The following NCOR2 variants were observed in gnomAD, a reference collection of about 807,000 sequenced individuals.
NCOR2 encodes nuclear receptor corepressor 2.
Under a neutral mutation model 262.9 loss-of-function variants are expected in NCOR2, and 81 were observed. The ratio of observed to expected loss-of-function variants is 0.31; its 90% CI spans 0.26 to 0.37. The LOEUF is 0.37. Among genes scored for constraint, NCOR2 ranks in the 10% least tolerant of loss-of-function variants. NCOR2 has a pLI of 1.00. For synonymous variants in NCOR2, 1,659 were observed against 1,559.3 expected, an observed-to-expected ratio of 1.06 and a Z score of -1.51; for missense variants, 3,385 against 3,621.4, an observed-to-expected ratio of 0.93 and a Z score of 1.68.
intron 20 of NCOR2, among the ~76,000 whole-genome samples, chr12:124,370,204 C>G (rs1016492909): frequency 1.3e-5 from 2 of 152,230 alleles, no homozygotes; most frequent in Non-Finnish European, 2.9e-5. Context: ...GGGCAAGAAG[C>G]TCAGGGATTT....
At chr12:124,472,844 G>A (rs2046899371) in intron 4 of NCOR2, 108 bp downstream of exon 6, 4 of 1,450,066 alleles carry the variant, frequency 2.8e-6, no homozygotes, top group Admixed American at 1.8e-5. Flanking sequence ...AAACCAGTGA[G>A]CACCCAGGAA....
At chr12:124,346,105 G>A (rs1394386195) in intron 31 of NCOR2, among the ~76,000 whole-genome samples, 1 of 152,166 alleles carries the variant, frequency 6.6e-6, no homozygotes, top group Non-Finnish European at 1.5e-5. Context: ...GCGTGACTCT[G>A]GGTGAGTCGT....
intron 1 of NCOR2, among the ~76,000 whole-genome samples, chr12:124,505,950 T>C (rs2049014865): frequency 6.6e-6 from 1 of 151,876 alleles, no homozygotes; most frequent in South Asian, 2.1e-4. Flanking sequence ...CAGGGGAAAA[T>C]AGGCCAGGTG....
chr12:124,484,217 C>T (rs890985820), intron 2 of NCOR2, among the ~76,000 whole-genome samples: 7 of 152,330 alleles, frequency 4.6e-5, no homozygotes, highest in African/African-American at 7.2e-5. Context: ...GATAACAGCA[C>T]CCGTGATGCC....
At chr12:124,496,423 A>C (rs1267205717), upstream of NCOR2, among the ~76,000 whole-genome samples, 1 of 150,934 alleles carries the variant, frequency 6.6e-6, no homozygotes, top group Admixed American at 6.6e-5. This position sits in a 1 kb window ranked among gnomAD's most constrained non-coding sequence, Gnocchi z 4.4. Context: ...AATTGCACAC[A>C]CCCCCCAGAG....
At chr12:124,521,875 A>G (rs2050209675) in intron 1 of NCOR2, among the ~76,000 whole-genome samples, 1 of 152,166 alleles carries the variant, frequency 6.6e-6, no homozygotes, top group Non-Finnish European at 1.5e-5. Flanking sequence ...AAATTCAGTC[A>G]GGTGTGGTGG....
At chr12:124,501,692 G>A (rs964186284) in intron 1 of NCOR2, among the ~76,000 whole-genome samples, 13 of 152,288 alleles carry the variant, frequency 8.5e-5, no homozygotes, top group South Asian at 2.1e-4. Flanking sequence ...TCCCCTATCC[G>A]GTTGTGACCT....
intron 13 of NCOR2, 140 bp downstream of exon 15, chr12:124,419,817 C>T: frequency 1.3e-6 from 1 of 751,176 alleles, no homozygotes; most frequent in Non-Finnish European, 2.3e-6. Flanking sequence ...GGGGAGCCTG[C>T]ACTCACACTG....
At chr12:124,560,514 T>C (rs1292467352) in intron 1 of NCOR2, among the ~76,000 whole-genome samples, 1 of 152,276 alleles carries the variant, frequency 6.6e-6, no homozygotes, top group African/African-American at 2.4e-5. Context: ...CCAAGGGCCA[T>C]AGTTTGCCAA....
At chr12:124,346,842 G>T in exon 31 of NCOR2, 1 of 1,574,822 alleles carries the variant, frequency 6.3e-7, no homozygotes, top group Non-Finnish European at 8.6e-7. Flanking sequence ...ACGTAGGACC[G>T]AGGGATCCCT....
chr12:124,476,076 C>G (rs1028696320), intron 3 of NCOR2, among the ~76,000 whole-genome samples: 1 of 152,206 alleles, frequency 6.6e-6, no homozygotes, highest in Non-Finnish European at 1.5e-5. Flanking sequence ...GTGTGGGGCC[C>G]TCACTGCTCC....
At chr12:124,386,518 G>T (rs956191262) in intron 16 of NCOR2, among the ~76,000 whole-genome samples, 2 of 152,100 alleles carry the variant, frequency 1.3e-5, no homozygotes, top group Admixed American at 6.5e-5. Flanking sequence ...CTCAGGACTC[G>T]GGGCCCACCA....
chr12:124,534,514 A>G (rs529468010), intron 1 of NCOR2, among the ~76,000 whole-genome samples: 43 of 152,258 alleles, frequency 2.8e-4, no homozygotes, highest in African/African-American at 1.0e-3. Context: ...TATGCGGTCC[A>G]TCGTTGACCA....
rs1481694141 is a variant in NCOR2, at chr12:124,483,545, C to T, written c.411+51G>A. Reference sequence around the variant, plus strand: ...ACCACCTCCCACCCAGCCCAACCAGCAGCAGAACCTCAAGCGGGAGAGGAG... The same window carrying T: ...ACCACCTCCCACCCAGCCCAACCAGTAGCAGAACCTCAAGCGGGAGAGGAG... On this transcript the variant is annotated intron_variant, in intron 3 of 46. Coordinates refer to ENST00000405201, the Ensembl canonical transcript of NCOR2. This position sits in a 1 kb window ranked among gnomAD's most constrained non-coding sequence, Gnocchi z 6.3. 6.7e-7 allele frequency: 1 copy of T among 1,481,548 alleles called. No homozygotes were observed. Among genetic ancestry groups the T allele is most frequent in the Non-Finnish European group, 9.0e-7 (1 of 1,114,384 alleles). 91.8% of individuals were successfully genotyped at this position (1,481,548 alleles called of 1,614,324 possible).
intron 13 of NCOR2, among the ~76,000 whole-genome samples, chr12:124,407,537 G>A (rs1028242455): frequency 2.6e-5 from 4 of 152,164 alleles, no homozygotes; most frequent in Non-Finnish European, 5.9e-5. Context: ...TGCAGGGGTC[G>A]CAGGGAGTCA....
At chr12:124,335,776 A>T (rs887684209) in intron 38 of NCOR2, 144 bp from the exon 41 acceptor site, 14 of 892,104 alleles carry the variant, frequency 1.6e-5, no homozygotes, top group Non-Finnish European at 1.7e-5. Flanking sequence ...TCCCAAAGAC[A>T]GTAAGGCAGA....
At chr12:124,514,910 T>A (rs564821164) in intron 1 of NCOR2, 1 of 149,486 alleles carries the variant, frequency 6.7e-6, no homozygotes, top group African/African-American at 2.5e-5. Context: ...AAGAAGAGGC[T>A]CATGAGGCTG....
intron 1 of NCOR2, among the ~76,000 whole-genome samples, chr12:124,553,315 G>A (rs1387391604): frequency 2.0e-5 from 3 of 152,164 alleles, no homozygotes; most frequent in Admixed American, 6.5e-5. Flanking sequence ...AATTCCATCT[G>A]CCACCTTAAA....
intron 25 of NCOR2, 34 bp from the exon 28 acceptor site, chr12:124,354,616 G>T: frequency 6.7e-7 from 1 of 1,485,966 alleles, no homozygotes; most frequent in Non-Finnish European, 9.0e-7. Context: ...GTCACGTGCT[G>T]CCGGAGCAGG....
Sources: allele counts gnomAD v4.1 joint callset (sites outside exome capture counted in the v4.1 genomes callset), GRCh38; gene constraint gnomAD v4.1.1; non-coding constraint Gnocchi (gnomAD v3.1); transcripts MANE v1.5; gene names NCBI Gene and HGNC (gene_info 2026-07-23, HGNC 2026-07-21).